The following B4GALNT2 variants were observed in gnomAD, a reference collection of about 807,000 sequenced individuals.
B4GALNT2 encodes the protein N-acetylneuraminylgalactosylglucosyl-glucoside beta-1,4-N- acetylgalactosaminyltransferase 2.
A neutral mutation model predicts 51.1 loss-of-function variants in B4GALNT2; 42 were observed. The observed-to-expected ratio is 0.82, with a 90% CI of 0.64 to 1.06. The LOEUF (loss-of-function observed/expected upper bound fraction) is 1.06, where lower values mean the gene tolerates loss of function less well. Ranked by LOEUF, B4GALNT2 falls within the 50% of genes least tolerant of loss-of-function variation. B4GALNT2 has a pLI of 0.00. For missense variants in B4GALNT2, 602 were observed against 633.6 expected (o/e 0.95, Z 0.54); for synonymous variants, 253 against 251.7 (o/e 1.01, Z -0.05).
At chr17:49,163,156 T>C (rs909273287) in intron 7 of B4GALNT2, among the ~76,000 whole-genome samples, 3 of 152,066 alleles carry the variant, frequency 2.0e-5, no homozygotes, top group Non-Finnish European at 4.4e-5. Context: ...CCCAAACACA[T>C]CTGCAGCTCC....
intron 3 of B4GALNT2, among the ~76,000 whole-genome samples, chr17:49,147,839 T>TTATA (rs150884753): frequency 3.4e-5 from 5 of 148,888 alleles, no homozygotes; most frequent in African/African-American, 9.8e-5. Flanking sequence ...TACATGTATG[T>TTATA]TATATATATA....
At chr17:49,150,197 T>TG (rs1300678095) in intron 3 of B4GALNT2, among the ~76,000 whole-genome samples, 8 of 96,210 alleles carry the variant, frequency 8.3e-5, no homozygotes, top group East Asian at 7.2e-4. Context: ...GGGAGGGAGG[T>TG]GGGGGGGTCA....
Position 49,152,899 on chromosome 17 carries a change from C to T in B4GALNT2, c.453C>T (p.Pro151=), listed in dbSNP as rs1288751313. Residue 151 remains proline, a synonymous_variant, in exon 4 of 11, where the codon CCC becomes CCT. Coordinates refer to ENST00000393354, the MANE Select transcript of B4GALNT2 (RefSeq NM_001159387.2). ...GVEVMPLHTV[P]IPGLQFEGPD... is the part of the protein sequence containing the mutation. ...AGGTGATGCCCCTGCACACGGTTCC[C>T]ATCCCAGGTAAGTACATCCACATAC... The T allele has an allele frequency of 6.2e-7, 1 of 1,608,394 alleles. No homozygotes were observed. Among genetic ancestry groups the T allele is most frequent in the South Asian group, 1.1e-5 (1 of 89,978 alleles).
intron 3 of B4GALNT2, among the ~76,000 whole-genome samples, chr17:49,151,879 G>A (rs564985744): frequency 3.9e-5 from 6 of 152,162 alleles, no homozygotes; most frequent in East Asian, 1.9e-4. Context: ...TTATTTCAGC[G>A]GTAGGAGAAG....
At chr17:49,140,505 G>A (rs1057056389) in intron 1 of B4GALNT2, among the ~76,000 whole-genome samples, 1 of 152,176 alleles carries the variant, frequency 6.6e-6, no homozygotes, top group Non-Finnish European at 1.5e-5. Flanking sequence ...TTGATCAAGT[G>A]AGACATGTCA....
chr17:49,133,343 G>A, intron 1 of B4GALNT2: 4 of 1,168,862 alleles, frequency 3.4e-6, no homozygotes, highest in Non-Finnish European at 3.4e-6. Context: ...GGCGCCCACC[G>A]CAGGGCAGAG....
rs1344684260 is a variant in B4GALNT2 at position 49,164,208 on chromosome 17, A to G, written c.887A>G (p.Asp296Gly). The G allele has an allele frequency of 6.2e-7, 1 of 1,613,184 alleles. No homozygotes were observed. Among genetic ancestry groups the G allele is most frequent in the East Asian group, 2.2e-5 (1 of 44,890 alleles). ...CCAGACTTGACCGTAATAGTGGCTG[A>G]TGACAGCCAGAAGCCCCTGGAAATT... ...YYPDLTVIVA[D>G]DSQKPLEIKD... Residue 296 changes from aspartate (D) to glycine (G), a missense_variant, in exon 8 of 11, where the codon GAT becomes GGT. By Grantham distance (94) the Asp-to-Gly change is moderately conservative. Coordinates refer to ENST00000393354, the MANE Select transcript of B4GALNT2 (RefSeq NM_001159387.2).
chr17:49,160,776 T>A lies in B4GALNT2; in HGVS notation c.766+135T>A. The A allele has an allele frequency of 3.8e-6, 3 of 798,286 alleles. No individual in the cohort carries two copies. In the East Asian group the frequency reaches 7.5e-5, roughly 20 times the overall value. The allele number at this position is 798,286 out of a possible 1,614,324, so 49.5% of individuals were successfully genotyped here. A position where few individuals can be genotyped will look rare whatever the true frequency, so the allele number is the denominator to read the frequency against. On this transcript the variant is annotated intron_variant, in intron 7 of 10. Transcript: ENST00000393354. ...TGATATGCTCCCTGACAAGCTTCGTTTGGAGGAAAAAAACTCTAAGACACA... is the reference window on the plus strand; with the variant it reads ...TGATATGCTCCCTGACAAGCTTCGTATGGAGGAAAAAAACTCTAAGACACA...
chr17:49,169,019 T>TCCCTTTC (rs951403325), intron 10 of B4GALNT2, 119 bp downstream of exon 10: 11 of 1,024,214 alleles, frequency 1.1e-5, no homozygotes, highest in African/African-American at 8.1e-5. Flanking sequence ...TAGCAGTACA[T>TCCCTTTC]CCCTTTCCCC....
intron 3 of B4GALNT2, among the ~76,000 whole-genome samples, chr17:49,142,855 A>G (rs146018672): frequency 6.6e-6 from 1 of 152,312 alleles, no homozygotes; most frequent in African/African-American, 2.4e-5. Context: ...ATATGTTGAG[A>G]GCATACTACC....
At position 49,171,304 on chromosome 17, in the gene B4GALNT2, T is replaced by G. The variant is rs1193048973; in HGVS notation, c.*1576T>G. On this transcript the variant is annotated 3_prime_UTR_variant, in exon 11 of 11. Transcript: ENST00000393354. ...ACAATCATCATTGAAATCACAGAGC[T>G]TCCAAGTGTCTTTATCCACTTTAAT... 3 of 358,122 alleles carry G rather than the reference T, an allele frequency of 8.4e-6. No homozygotes were observed. Among genetic ancestry groups the G allele is most frequent in the African/African-American group, 6.7e-5 (3 of 44,714 alleles). 22.2% of individuals were successfully genotyped at this position (358,122 alleles called of 1,614,324 possible).
At chr17:49,129,705 T>G (rs2042527646), upstream of B4GALNT2, among the ~76,000 whole-genome samples, 1 of 107,758 alleles carries the variant, frequency 9.3e-6, no homozygotes, top group South Asian at 2.7e-4. Context: ...TTGGAATATT[T>G]CTGTGTGGGG....
rs779561233 is a variant in B4GALNT2, at chr17:49,176,654, C to A, written c.*6926C>A. 2 of 152,166 alleles carry A rather than the reference C, an allele frequency of 1.3e-5. No individual in the cohort carries two copies. Among genetic ancestry groups the A allele is most frequent in the Non-Finnish European group, 2.9e-5 (2 of 68,042 alleles). The allele number at this position is 152,166 out of a possible 1,614,324, so 9.4% of individuals were successfully genotyped here. ...AGTGCTGCAGAGATTTTATTTATGG[C>A]CAGTTTATGGCCAGATTTGGGGGCC... On this transcript the variant is annotated 3_prime_UTR_variant, in exon 11 of 11. Transcript: ENST00000393354.
chr17:49,133,121 G>A (rs1339111925), intron 1 of B4GALNT2: 2 of 1,529,016 alleles, frequency 1.3e-6, no homozygotes, highest in Admixed American at 2.5e-5. Flanking sequence ...GTGGGAATCG[G>A]CTCGGGAGTG....
chr17:49,162,421 C>T (rs1209144403), intron 7 of B4GALNT2, among the ~76,000 whole-genome samples: 2 of 152,106 alleles, frequency 1.3e-5, no homozygotes, highest in Admixed American at 1.3e-4. Context: ...TTGGACAGGG[C>T]TGGAAAAACA....
upstream of B4GALNT2, chr17:49,132,567 C>T (rs140315411): frequency 4.6e-4 from 193 of 419,590 alleles, no homozygotes; most frequent in South Asian, 9.4e-4. Context: ...TTTCTTTAAG[C>T]GGGAGAGAGA....
intron 1 of B4GALNT2, among the ~76,000 whole-genome samples, chr17:49,134,382 T>C (rs2042571070): frequency 6.6e-6 from 1 of 152,218 alleles, no homozygotes; most frequent in African/African-American, 2.4e-5. Flanking sequence ...ATTCAATATC[T>C]TCCTCCTAGC....
rs1342770525 is a variant in B4GALNT2, at chr17:49,168,748, C to T, written c.1163C>T (p.Ala388Val). The change falls in exon 10 of 11, where the codon GCC becomes GTC. Residue 388 changes from alanine to valine, a missense_variant. By Grantham distance (64) the Ala-to-Val change is moderately conservative. Coordinates refer to ENST00000393354, the MANE Select transcript of B4GALNT2 (RefSeq NM_001159387.2). ...TTGCTGGAACAGAGTGAGAATGGGG[C>T]CTGCCTTCACAAGAGGATGGGATTT... ...KLLLEQSENG[A>V]CLHKRMGFFQ... 6.2e-7 allele frequency: 1 copy of T among 1,614,068 alleles called. No homozygotes were observed. The highest frequency in any genetic ancestry group is 8.5e-7 in the Non-Finnish European group (1 of 1,180,016).
the B4GALNT2 span, among the ~76,000 whole-genome samples, chr17:49,121,894 C>T: frequency 6.6e-5 from 10 of 152,254 alleles, no homozygotes; most frequent in African/African-American, 1.2e-4. Flanking sequence ...GAAAGAAACA[C>T]GAAAAATGGC....
Sources: allele counts gnomAD v4.1 joint callset (sites outside exome capture counted in the v4.1 genomes callset), GRCh38; gene constraint gnomAD v4.1.1; transcripts MANE v1.5; gene names NCBI Gene and HGNC (gene_info 2026-07-23, HGNC 2026-07-21).